The following BTG4 variants were observed in gnomAD, a reference collection of about 807,000 sequenced individuals.
BTG4 encodes protein BTG4.
In BTG4, 10 loss-of-function variants were observed where a neutral mutation model predicts 19.3. The observed-to-expected ratio is 0.52, with a 90% confidence interval of 0.32 to 0.88. The LOEUF (loss-of-function observed/expected upper bound fraction) is 0.88. BTG4 is among the 40% of genes least tolerant of loss of function. BTG4 has a pLI of 0.04. For missense variants in BTG4, 238 were observed against 281.9 expected, an observed-to-expected ratio of 0.84 and a Z score of 1.11; for synonymous variants, 91 against 95.7, an observed-to-expected ratio of 0.95 and a Z score of 0.29.
chr11:111,405,312 G>A, the BTG4 span, among the ~76,000 whole-genome samples: 3 of 148,568 alleles, frequency 2.0e-5, no homozygotes, highest in East Asian at 6.1e-4. Flanking sequence ...GCTGAGGCAG[G>A]AGAATCACTT....
At chr11:111,402,456 G>C in the BTG4 span, among the ~76,000 whole-genome samples, 1 of 152,142 alleles carries the variant, frequency 6.6e-6, no homozygotes, top group African/African-American at 2.4e-5. Context: ...TACAGTCAGA[G>C]AGAACAAAAT....
intron 1 of BTG4, among the ~76,000 whole-genome samples, chr11:111,499,750 G>C (rs1412476248): frequency 6.6e-6 from 1 of 152,162 alleles, no homozygotes; most frequent in African/African-American, 2.4e-5. Context: ...TTTATTTGTA[G>C]GATAAGTGGA....
the BTG4 span, among the ~76,000 whole-genome samples, chr11:111,436,834 G>A: frequency 5.3e-4 from 81 of 152,230 alleles, 1 homozygote; most frequent in Admixed American, 2.7e-3. Flanking sequence ...AGCGAGCGCC[G>A]TTTGTTTTGC....
upstream of BTG4, chr11:111,513,407 G>A (rs553265363): frequency 1.9e-4 from 104 of 534,162 alleles, no homozygotes; most frequent in African/African-American, 1.9e-3. Context: ...AACGTGTTGG[G>A]GTACCAACTT....
intron 5 of BTG4, among the ~76,000 whole-genome samples, chr11:111,473,983 A>G (rs1864241229): frequency 6.6e-6 from 1 of 152,160 alleles, no homozygotes; most frequent in Non-Finnish European, 1.5e-5. Flanking sequence ...TTGGTTCCAA[A>G]TCATCACTAA....
chr11:111,393,708 A>C, the BTG4 span, among the ~76,000 whole-genome samples: 1 of 152,194 alleles, frequency 6.6e-6, no homozygotes, highest in African/African-American at 2.4e-5. Flanking sequence ...GGGAAGGATG[A>C]CTGACCAAGT....
intron 5 of BTG4, among the ~76,000 whole-genome samples, chr11:111,485,502 C>T (rs960070989): frequency 1.4e-4 from 22 of 152,034 alleles, no homozygotes; most frequent in Admixed American, 1.4e-3. Context: ...TGCTCCTAAC[C>T]GACCATGAGG....
the BTG4 span, chr11:111,456,625 A>G: frequency 1.6e-5 from 7 of 443,054 alleles, no homozygotes; most frequent in Non-Finnish European, 3.2e-5. This position sits in a 1 kb window ranked among gnomAD's most constrained non-coding sequence, Gnocchi z 4.2. Context: ...CGCAGGCTCC[A>G]TACCCCCTGG....
the BTG4 span, among the ~76,000 whole-genome samples, chr11:111,446,705 C>T: frequency 3.3e-5 from 5 of 152,090 alleles, no homozygotes; most frequent in Non-Finnish European, 7.3e-5. Context: ...GACTCCTCCA[C>T]GCCCTGCTCA....
chr11:111,388,290 TTG>T, the BTG4 span, among the ~76,000 whole-genome samples: 2 of 144,308 alleles, frequency 1.4e-5, no homozygotes, highest in Admixed American at 6.7e-5. Flanking sequence ...AGTTGGTTGG[TTG>T]GTTGGTTGGT....
At chr11:111,415,759 G>A in the BTG4 span, among the ~76,000 whole-genome samples, 1 of 152,162 alleles carries the variant, frequency 6.6e-6, no homozygotes, top group African/African-American at 2.4e-5. Flanking sequence ...ATACAGTGGA[G>A]GTCAGGTGCA....
chr11:111,424,827 A>G, the BTG4 span, among the ~76,000 whole-genome samples: 140,134 of 152,176 alleles, frequency 0.92, 64,870 homozygotes, highest in East Asian at 1. Context: ...GCGTGGTGGC[A>G]GGTGCCTGTA....
At chr11:111,448,894 A>G in the BTG4 span, among the ~76,000 whole-genome samples, 3 of 152,192 alleles carry the variant, frequency 2.0e-5, no homozygotes, top group Non-Finnish European at 4.4e-5. Context: ...TACCCAAAAA[A>G]AAAATTGTCT....
the BTG4 span, among the ~76,000 whole-genome samples, chr11:111,439,459 C>T: frequency 6.6e-6 from 1 of 152,004 alleles, no homozygotes; most frequent in African/African-American, 2.4e-5. Context: ...AGGACTGCTA[C>T]AACCCTTGGC....
the BTG4 span, among the ~76,000 whole-genome samples, chr11:111,422,921 A>G: frequency 9.4e-3 from 1,432 of 152,218 alleles, 24 homozygotes; most frequent in African/African-American, 0.032. Flanking sequence ...TGGTCTTAGT[A>G]AGGCTGCACA....
chr11:111,392,171 T>TTC, the BTG4 span, among the ~76,000 whole-genome samples: 4 of 107,672 alleles, frequency 3.7e-5, no homozygotes, highest in Non-Finnish European at 7.8e-5. Context: ...GTGATTTTCT[T>TTC]TTTTTTTTTT....
chr11:111,420,426 A>G, the BTG4 span, among the ~76,000 whole-genome samples: 1 of 152,192 alleles, frequency 6.6e-6, no homozygotes, highest in African/African-American at 2.4e-5. Flanking sequence ...CATTTTTTAC[A>G]CAAAGACCAA....
chr11:111,436,455 ATCTC>A, the BTG4 span, among the ~76,000 whole-genome samples: 4 of 151,982 alleles, frequency 2.6e-5, no homozygotes, highest in African/African-American at 4.8e-5. Context: ...GCAAAACCCC[ATCTC>A]TACTAAAAAT....
the BTG4 span, among the ~76,000 whole-genome samples, chr11:111,425,790 G>T: frequency 1.3e-5 from 2 of 152,218 alleles, no homozygotes; most frequent in African/African-American, 4.8e-5. Flanking sequence ...GCAGCTCTTT[G>T]GGAGGCCAAG....
Sources: gnomAD v4.1 joint callset for allele counts (sites outside exome capture counted in the v4.1 genomes callset) on GRCh38, gnomAD v4.1.1 for gene constraint, Gnocchi (gnomAD v3.1) non-coding constraint, MANE v1.5 for transcripts, NCBI Gene and HGNC (gene_info 2026-07-23, HGNC 2026-07-21) for gene names.